RAD51B: variants seen among roughly 807,000 people sequenced by gnomAD.
RAD51B encodes the protein RAD51 paralog B, also known as DNA repair protein RAD51 homolog 2.
RAD51B carries 38 observed loss-of-function variants against 42.2 expected under a neutral mutation model. The ratio of observed to expected loss-of-function variants is 0.90; its 90% CI spans 0.70 to 1.18. The LOEUF is 1.18. RAD51B is among the 50% of genes most tolerant of loss of function. The pLI, the probability that RAD51B is intolerant of heterozygous loss-of-function variation, is 0.00. For synonymous variants in RAD51B, 154 were observed against 145.2 expected, an observed-to-expected ratio of 1.06 and a Z score of -0.43; for missense variants, 373 against 400.7, an observed-to-expected ratio of 0.93 and a Z score of 0.59.
chr14:68,619,449 G>A (rs1386119119), intron 10 of RAD51B, among the ~76,000 whole-genome samples: 3 of 142,796 alleles, frequency 2.1e-5, no homozygotes, highest in Middle Eastern at 3.6e-3. Context: ...GTGACAGAGT[G>A]AGACTCCATC....
intron 8 of RAD51B, among the ~76,000 whole-genome samples, chr14:68,405,701 T>A (rs1299171352): frequency 6.6e-6 from 1 of 152,088 alleles, no homozygotes; most frequent in Non-Finnish European, 1.5e-5. Flanking sequence ...GGTACTTTTT[T>A]ATACTATTCT....
In RAD51B at chr14:67,960,016, C is replaced by T. The variant is rs966905940; in HGVS notation, c.756+72812C>T. Among the ~76,000 whole-genome samples the T allele has an allele frequency of 1.4e-4, 21 of 151,254 alleles. 1 individual carries two copies. The highest frequency in any genetic ancestry group is 2.4e-4 in the African/African-American group (10 of 41,078). ...AGGAGAATTGCTTGAACCTGGGAGG[C>T]GGAGGTTGCAATGAGCTGAGATCGC... On this transcript the variant is annotated intron_variant, in intron 7 of 10. Coordinates refer to ENST00000471583, the MANE Select transcript of RAD51B (RefSeq NM_133510.4).
intron 9 of RAD51B, among the ~76,000 whole-genome samples, chr14:68,438,252 G>A (rs1017644288): frequency 1.4e-4 from 21 of 152,100 alleles, no homozygotes; most frequent in African/African-American, 4.8e-4. Context: ...CCAAGACAGT[G>A]GATATTGAGA....
chr14:68,005,280 C>T (rs1252838314), intron 7 of RAD51B, among the ~76,000 whole-genome samples: 1 of 151,996 alleles, frequency 6.6e-6, no homozygotes. Flanking sequence ...TCTCGAACTC[C>T]TGACTTCATG....
chr14:68,294,454 TAC>T (rs561331818), intron 8 of RAD51B, among the ~76,000 whole-genome samples: 33 of 152,322 alleles, frequency 2.2e-4, no homozygotes, highest in Admixed American at 4.6e-4. Flanking sequence ...TCCTGTGATT[TAC>T]ACACACACAG....
At chr14:68,562,874 C>G in intron 10 of RAD51B, 3 of 985,410 alleles carry the variant, frequency 3.0e-6, no homozygotes, top group East Asian at 1.1e-4. Flanking sequence ...GAGAGGAACT[C>G]AGAAACCTCT....
At chr14:68,540,259 AC>A (rs1184246948) in intron 10 of RAD51B, 19 of 1,010,418 alleles carry the variant, frequency 1.9e-5, no homozygotes, top group African/African-American at 3.6e-5. Context: ...AGTTCCTTGC[AC>A]CCTGTTCAAG....
chr14:68,400,837 T>C (rs961120216), intron 8 of RAD51B, among the ~76,000 whole-genome samples: 1 of 152,246 alleles, frequency 6.6e-6, no homozygotes, highest in Non-Finnish European at 1.5e-5. Context: ...AGTGAATTTA[T>C]TTTTAATTAA....
intron 7 of RAD51B, among the ~76,000 whole-genome samples, chr14:68,187,515 A>G (rs1272532688): frequency 2.0e-5 from 3 of 152,228 alleles, no homozygotes; most frequent in Admixed American, 6.5e-5. Flanking sequence ...ATGGGCCACC[A>G]TCAAGAGATC....
rs186708131 is a variant in RAD51B, at chr14:68,215,091, T to C, written c.757-76793T>C. Among the ~76,000 whole-genome samples, 853 of 152,308 alleles carry C rather than the reference T, an allele frequency of 5.6e-3. 4 individuals are homozygous for C. The highest frequency in any genetic ancestry group is 9.0e-3 in the Non-Finnish European group (611 of 68,016). On this transcript the variant is annotated intron_variant, in intron 7 of 10. Transcript: ENST00000471583. Reference sequence around the variant, plus strand: ...GATTAATTATCTCCATTGCCTCAAATGACAAAGATAGTATGTTCAATTCTC... The same window carrying C: ...GATTAATTATCTCCATTGCCTCAAACGACAAAGATAGTATGTTCAATTCTC...
chr14:68,056,744 T>C (rs1373490387), intron 7 of RAD51B, among the ~76,000 whole-genome samples: 1 of 149,956 alleles, frequency 6.7e-6, no homozygotes, highest in Non-Finnish European at 1.5e-5. Context: ...CAAGACTCCG[T>C]CTCAAAAATA....
chr14:68,022,588 T>C (rs2075884450), intron 7 of RAD51B, among the ~76,000 whole-genome samples: 2 of 152,194 alleles, frequency 1.3e-5, no homozygotes, highest in Admixed American at 6.5e-5. Flanking sequence ...TTTACATTTT[T>C]CTGACTTTTA....
chr14:68,451,538 C>G (rs1446044414), intron 9 of RAD51B, among the ~76,000 whole-genome samples: 1 of 152,206 alleles, frequency 6.6e-6, no homozygotes, highest in Non-Finnish European at 1.5e-5. Flanking sequence ...AAGGAAAAGA[C>G]AGGAAGGGTG....
chr14:67,886,325 T>C (rs747511940), intron 6 of RAD51B, among the ~76,000 whole-genome samples: 6 of 152,188 alleles, frequency 3.9e-5, no homozygotes, highest in Non-Finnish European at 7.3e-5. Context: ...GTAGCTTAGC[T>C]GGGTGTTTCT....
chr14:68,469,970 T>C (rs2097800), intron 10 of RAD51B, among the ~76,000 whole-genome samples: 67,247 of 152,006 alleles, frequency 0.44, 15,844 homozygotes, highest in African/African-American at 0.61. Context: ...CTCTCTGATG[T>C]TCATTGCTAA....
At chr14:68,435,935 A>T (rs1170637134) in intron 9 of RAD51B, among the ~76,000 whole-genome samples, 1 of 152,136 alleles carries the variant, frequency 6.6e-6, no homozygotes, top group African/African-American at 2.4e-5. Context: ...GACCTTTGTC[A>T]GATGCATAGT....
At chr14:68,000,393 T>C (rs1364198716) in intron 7 of RAD51B, 2 of 152,216 alleles carry the variant, frequency 1.3e-5, no homozygotes, top group Non-Finnish European at 2.9e-5. Flanking sequence ...GTGACAGTAC[T>C]ATAAAGACTT....
At chr14:68,592,777 G>C (rs750059039) in intron 10 of RAD51B, among the ~76,000 whole-genome samples, 1 of 152,154 alleles carries the variant, frequency 6.6e-6, no homozygotes, top group Non-Finnish European at 1.5e-5. Flanking sequence ...CTGAGGCACA[G>C]AGCATTTTGG....
At chr14:68,207,036 C>T (rs567215328) in intron 7 of RAD51B, among the ~76,000 whole-genome samples, 7 of 152,136 alleles carry the variant, frequency 4.6e-5, no homozygotes, top group African/African-American at 1.4e-4. Context: ...ATGATCCGCC[C>T]GCCTTGGCCT....
Sources: allele counts gnomAD v4.1 joint callset (sites outside exome capture counted in the v4.1 genomes callset), GRCh38; gene constraint gnomAD v4.1.1; transcripts MANE v1.5; gene names NCBI Gene and HGNC (gene_info 2026-07-23, HGNC 2026-07-21).